ATP9B: variants seen among roughly 807,000 people sequenced by gnomAD.
ATP9B encodes probable phospholipid-transporting ATPase IIB.
In ATP9B, 110 loss-of-function variants were observed where a neutral mutation model predicts 146.1. That is an observed-to-expected ratio of 0.75 (90% confidence interval 0.65 to 0.88). The LOEUF (loss-of-function observed/expected upper bound fraction) is 0.88, where lower values mean the gene tolerates loss of function less well. ATP9B is among the 40% of genes least tolerant of loss of function. The probability of loss-of-function intolerance (pLI) is 0.00; values close to 1 mark genes in which losing one functional copy is unlikely to be tolerated. For synonymous variants in ATP9B, 604 were observed against 569.7 expected, an observed-to-expected ratio of 1.06 and a Z score of -0.86; for missense variants, 1,499 against 1,496.4, an observed-to-expected ratio of 1.00 and a Z score of -0.03.
chr18:79,180,376 G>C (rs1293406080), intron 8 of ATP9B, among the ~76,000 whole-genome samples: 1 of 152,006 alleles, frequency 6.6e-6, no homozygotes, highest in Admixed American at 6.6e-5. Context: ...GTTCTGTTTT[G>C]TGTCATTATC....
chr18:79,140,595 C>T (rs186104989), intron 5 of ATP9B, among the ~76,000 whole-genome samples: 1 of 151,536 alleles, frequency 6.6e-6, no homozygotes, highest in African/African-American at 2.4e-5. Context: ...GCCCACATGG[C>T]AAAACCCTGT....
intron 29 of ATP9B, chr18:79,375,683 A>G (rs2097098495): frequency 1.0e-6 from 1 of 985,274 alleles, no homozygotes; most frequent in Admixed American, 6.1e-5. Flanking sequence ...TGAGGATTGC[A>G]TGAGCCCCTA....
intron 4 of ATP9B, 111 bp downstream of exon 4, chr18:79,113,465 TA>T: frequency 2.9e-6 from 2 of 681,364 alleles, no homozygotes; most frequent in Non-Finnish European, 4.9e-6. Context: ...CATGGTGTTG[TA>T]GTGTTCACTG....
intron 7 of ATP9B, among the ~76,000 whole-genome samples, chr18:79,176,590 TA>T (rs909103372): frequency 7.9e-4 from 121 of 152,298 alleles, no homozygotes; most frequent in African/African-American, 2.7e-3. Context: ...ATAAGTGATT[TA>T]AAAAAATATA....
At chr18:79,184,295 A>G (rs1287937896) in intron 8 of ATP9B, among the ~76,000 whole-genome samples, 4 of 152,166 alleles carry the variant, frequency 2.6e-5, no homozygotes, top group Non-Finnish European at 5.9e-5. Context: ...GGGAAGTTGA[A>G]TCTTTCACTT....
At chr18:79,296,474 T>G (rs2096548551) in intron 13 of ATP9B, among the ~76,000 whole-genome samples, 1 of 152,236 alleles carries the variant, frequency 6.6e-6, no homozygotes, top group East Asian at 1.9e-4. Flanking sequence ...CTAGCTGCAC[T>G]TTGCAACGTC....
intron 19 of ATP9B, among the ~76,000 whole-genome samples, chr18:79,341,149 C>T (rs528295591): frequency 2.5e-4 from 38 of 150,992 alleles, no homozygotes; most frequent in African/African-American, 8.0e-4. Context: ...AGCGTGACCT[C>T]GTTGAAGTCT....
intron 12 of ATP9B, among the ~76,000 whole-genome samples, chr18:79,271,468 T>A (rs1198232684): frequency 1.4e-5 from 2 of 145,006 alleles, no homozygotes; most frequent in African/African-American, 5.0e-5. Context: ...AGTTCCCACC[T>A]ATGAGTGAGA....
chr18:79,123,850 A>G (rs1167850731), intron 4 of ATP9B, among the ~76,000 whole-genome samples: 2 of 152,354 alleles, frequency 1.3e-5, no homozygotes, highest in Middle Eastern at 3.4e-3. Flanking sequence ...AAGGTAGGTA[A>G]AGGATCTGAG....
At chr18:79,123,470 C>T (rs952972782) in intron 4 of ATP9B, among the ~76,000 whole-genome samples, 3 of 150,492 alleles carry the variant, frequency 2.0e-5, no homozygotes, top group African/African-American at 7.3e-5. Context: ...GCAGCACTCT[C>T]CAAACTGACA....
chr18:79,074,606 TTACTGC>T (rs1419946489), intron 1 of ATP9B, among the ~76,000 whole-genome samples: 1 of 152,210 alleles, frequency 6.6e-6, no homozygotes, highest in Non-Finnish European at 1.5e-5. Flanking sequence ...CAAGTTCCCC[TTACTGC>T]TACTGCCCAG....
intron 11 of ATP9B, among the ~76,000 whole-genome samples, chr18:79,224,959 C>T (rs929241983): frequency 1.3e-5 from 2 of 152,192 alleles, no homozygotes; most frequent in African/African-American, 2.4e-5. Context: ...CCAGGAACCA[C>T]GACCACAGTA....
chr18:79,142,248 T>G (rs2094523038), intron 5 of ATP9B, among the ~76,000 whole-genome samples: 1 of 152,232 alleles, frequency 6.6e-6, no homozygotes, highest in African/African-American at 2.4e-5. Flanking sequence ...TAAAGGCTAT[T>G]AAATATGTTA....
At position 79,239,904 on chromosome 18, in the gene ATP9B, C is replaced by T. The variant is rs545821681; in HGVS notation, c.1108-13477C>T. On this transcript the variant is annotated intron_variant, in intron 11 of 29. Coordinates refer to ENST00000426216, the MANE Select transcript of ATP9B (RefSeq NM_198531.5). This position sits in a 1 kb window ranked among gnomAD's most constrained non-coding sequence, Gnocchi z 5.1. ...GGGCTAAGCGTTCCCAAAGGATGAG[C>T]GGAGAGGCTTGCTCTGCCTGCGTCC... Among the ~76,000 whole-genome samples the T allele has an allele frequency of 2.6e-5, 4 of 152,280 alleles. No individual in the cohort carries two copies. In the East Asian group the frequency reaches 5.8e-4, roughly 22 times the overall value.
chr18:79,113,819 A>C (rs1190218957), intron 4 of ATP9B, among the ~76,000 whole-genome samples: 1 of 152,226 alleles, frequency 6.6e-6, no homozygotes, highest in Non-Finnish European at 1.5e-5. Flanking sequence ...CCAGTGATGC[A>C]ATGATGCTTA....
intron 25 of ATP9B, among the ~76,000 whole-genome samples, chr18:79,350,438 G>A (rs779822845): frequency 5.3e-5 from 8 of 152,210 alleles, no homozygotes; most frequent in Admixed American, 2.6e-4. Flanking sequence ...CGCCGTCATC[G>A]GCCCTGGGCT....
In ATP9B at chr18:79,338,540, C is replaced by T. The variant is rs373169329; in HGVS notation, c.2283+1091C>T. Among the ~76,000 whole-genome samples, 373 of 152,264 alleles carry T rather than the reference C, an allele frequency of 2.4e-3. 1 individual carries two copies. Among genetic ancestry groups the T allele is most frequent in the South Asian group, 6.5e-3 (31 of 4,800 alleles). ...GTTTAAATATGGTGTCCGTGAAATT[C>T]GAGTGTTTATCTTGGATGGGAGAGG... is the stretch of plus-strand genomic sequence containing the variant. On this transcript the variant is annotated intron_variant, in intron 19 of 29. Transcript: ENST00000426216.
intron 11 of ATP9B, among the ~76,000 whole-genome samples, chr18:79,241,098 T>C (rs970579402): frequency 5.3e-5 from 8 of 152,248 alleles, no homozygotes; most frequent in African/African-American, 1.7e-4. Flanking sequence ...GAATCACTTA[T>C]AATTTGTTAA....
At chr18:79,322,399 G>T (rs906480729) in intron 15 of ATP9B, among the ~76,000 whole-genome samples, 1 of 152,192 alleles carries the variant, frequency 6.6e-6, no homozygotes, top group Non-Finnish European at 1.5e-5. Flanking sequence ...CATCCCAAAT[G>T]TGGGGCACAG....
Sources: allele counts gnomAD v4.1 joint callset (sites outside exome capture counted in the v4.1 genomes callset), GRCh38; gene constraint gnomAD v4.1.1; non-coding constraint Gnocchi (gnomAD v3.1); transcripts MANE v1.5; gene names NCBI Gene and HGNC (gene_info 2026-07-23, HGNC 2026-07-21).